Variants in LRRC74A observed in about 807,000 individuals in gnomAD.
LRRC74A encodes the protein leucine rich repeat containing 74A.
A neutral mutation model predicts 57.9 loss-of-function variants in LRRC74A; 44 were observed. That is an observed-to-expected ratio of 0.76 (90% CI 0.60 to 0.98). The LOEUF (loss-of-function observed/expected upper bound fraction) is 0.98, where lower values mean the gene tolerates loss of function less well. Among genes scored for constraint, LRRC74A ranks in the 50% least tolerant of loss-of-function variants. The probability of loss-of-function intolerance (pLI) is 0.00; values close to 1 mark genes in which losing one functional copy is unlikely to be tolerated. For missense variants in LRRC74A, 572 were observed against 574.0 expected (o/e 1.00, Z 0.04); for synonymous variants, 211 against 219.4 (o/e 0.96, Z 0.34).
chr14:76,835,889 T>C (rs1455739607), intron 3 of LRRC74A, among the ~76,000 whole-genome samples: 2 of 152,254 alleles, frequency 1.3e-5, no homozygotes, highest in East Asian at 3.8e-4. Flanking sequence ...TTCCTTAATC[T>C]TGGAGTAGGT....
In LRRC74A at chr14:76,856,406, TA is replaced by T. The variant is rs1468292213; in HGVS notation, c.958-972del. 5.3e-5 allele frequency among the ~76,000 whole-genome samples: 8 copies of T among 152,354 alleles called. No individual in the cohort carries two copies. The South Asian group carries it at 1.0e-3, about 20-fold the overall frequency. On this transcript the variant is annotated intron_variant, in intron 9 of 13. Transcript: ENST00000689127. ...TGCCTGTCTCCCCCAATTACAGTGT[TA>T]AGTTACCCGAGGGCAGAAACCTTGC...
In LRRC74A at chr14:76,853,423, T is replaced by A; in HGVS notation, c.957+13T>A. The stretch of plus-strand genomic sequence containing the variant: ...CAGAGTTCTGAAGGTAGTCTTCAGC[T>A]GGAAAGGGTGTGTGTGTGTGTGTGT... On this transcript the variant is annotated intron_variant, in intron 9 of 13. Coordinates refer to ENST00000689127, the MANE Select transcript of LRRC74A (RefSeq NM_001385106.1). 1.0e-6 allele frequency: 1 copy of A among 982,914 alleles called. No homozygotes were observed. Among genetic ancestry groups the A allele is most frequent in the South Asian group, 1.4e-5 (1 of 69,452 alleles). 60.9% of individuals were successfully genotyped at this position (982,914 alleles called of 1,614,324 possible). A position where few individuals can be genotyped will look rare whatever the true frequency, so the allele number is the denominator to read the frequency against.
chr14:76,841,279 T>C (rs768063713), intron 5 of LRRC74A, among the ~76,000 whole-genome samples: 1 of 152,170 alleles, frequency 6.6e-6, no homozygotes, highest in Non-Finnish European at 1.5e-5. Context: ...TGACCTCAAG[T>C]GATCCAACTG....
At chr14:76,859,301 G>A (rs533895530) in intron 10 of LRRC74A, among the ~76,000 whole-genome samples, 110 of 152,192 alleles carry the variant, frequency 7.2e-4, no homozygotes, top group Non-Finnish European at 8.8e-4. Flanking sequence ...TTGGGAGGCC[G>A]AGGCGGGTGG....
At position 76,828,323 on chromosome 14, in the gene LRRC74A, A is replaced by G; in HGVS notation, c.70A>G (p.Ser24Gly). The G allele has an allele frequency of 6.2e-7, 1 of 1,608,926 alleles. No homozygotes were observed. The highest frequency in any genetic ancestry group is 1.1e-5 in the South Asian group (1 of 91,020). Residue 24 changes from serine (S) to glycine (G), a missense_variant, in exon 2 of 14, where the codon AGC becomes GGC. By Grantham distance (56) the Ser-to-Gly change is moderately conservative. Transcript: ENST00000689127. The part of the protein sequence containing the change: ...EIEIEPVRQS[S>G]DKMLYCEAES... Reference sequence around the variant, plus strand: ...TGAAATTGAGCCAGTACGACAGAGCAGCGATAAAATGCTCTACTGTGAGGC... The same window carrying G: ...TGAAATTGAGCCAGTACGACAGAGCGGCGATAAAATGCTCTACTGTGAGGC...
chr14:76,869,236 C>T (rs1357590659), intron 13 of LRRC74A, among the ~76,000 whole-genome samples: 3 of 152,166 alleles, frequency 2.0e-5, no homozygotes, highest in Admixed American at 6.5e-5. Context: ...CAGCAAAGTC[C>T]CCAGGTTTGC....
At position 76,849,202 on chromosome 14, in the gene LRRC74A, G is replaced by T. The variant is rs117383231; in HGVS notation, c.677-3163G>T. Among the ~76,000 whole-genome samples, 252 of 152,146 alleles carry T rather than the reference G, an allele frequency of 1.7e-3. 2 individuals carry two copies. In the East Asian group the frequency reaches 0.038, roughly 23 times the overall value. ...AGTCTCGCTCTGTTGCCCAGGCTGG[G>T]TGGAGTGCAGTGGCACAATCTTGGC... On this transcript the variant is annotated intron_variant, in intron 7 of 13. Coordinates refer to ENST00000689127, the MANE Select transcript of LRRC74A (RefSeq NM_001385106.1).
intron 5 of LRRC74A, among the ~76,000 whole-genome samples, chr14:76,841,619 T>C (rs28696884): frequency 0.059 from 8,939 of 152,228 alleles, 305 homozygotes; most frequent in Non-Finnish European, 0.073. Context: ...GATTAATTTA[T>C]GAAAGAACTG....
intron 9 of LRRC74A, among the ~76,000 whole-genome samples, chr14:76,856,825 T>C (rs1202188359): frequency 6.6e-6 from 1 of 150,444 alleles, no homozygotes; most frequent in Non-Finnish European, 1.5e-5. Context: ...GATGCATGGA[T>C]GGATGAGAGG....
rs150796689 is a variant in LRRC74A, at chr14:76,852,448, C to T, written c.760C>T (p.Arg254Trp). ...AGCTGTGGCCTTGTGCAATGGTCTC[C>T]GGGTAAGGCACTCTCCAGGAGTGAT... is the stretch of plus-strand genomic sequence containing the variant. ...RGAVALCNGL[R>W]GNVTLTKLDL... Residue 254 changes from arginine to tryptophan, a missense_variant and splice_region_variant, in exon 8 of 14, where the codon CGG (arginine) becomes TGG (tryptophan). Coordinates refer to ENST00000689127, the MANE Select transcript of LRRC74A (RefSeq NM_001385106.1). 3.5e-4 allele frequency: 567 copies of T among 1,599,662 alleles called. 2 individuals are homozygous for T. The African/African-American group carries it at 5.9e-3, about 17-fold the overall frequency.
intron 5 of LRRC74A, among the ~76,000 whole-genome samples, chr14:76,839,362 A>G (rs1266641799): frequency 6.6e-6 from 1 of 152,252 alleles, no homozygotes; most frequent in African/African-American, 2.4e-5. Context: ...TTTGTGAATC[A>G]AAATGGTTAA....
intron 4 of LRRC74A, among the ~76,000 whole-genome samples, chr14:76,837,601 TG>T (rs2140268674): frequency 6.6e-6 from 1 of 152,246 alleles, no homozygotes; most frequent in South Asian, 2.1e-4. Context: ...AAGGCTAAAT[TG>T]GGAAAACAGG....
chr14:76,840,596 T>C (rs75042631), intron 5 of LRRC74A, among the ~76,000 whole-genome samples: 4 of 144,188 alleles, frequency 2.8e-5, no homozygotes, highest in African/African-American at 2.5e-5. Flanking sequence ...TTTTTTTTTT[T>C]TTTTTTGAGA....
intron 13 of LRRC74A, 71 bp from the exon 14 acceptor site, chr14:76,870,054 C>A: frequency 6.5e-7 from 1 of 1,534,788 alleles, no homozygotes; most frequent in South Asian, 1.2e-5. Context: ...TTAAGCCTGT[C>A]TTAACATTCT....
chr14:76,861,538 T>C (rs1898306631), intron 11 of LRRC74A, among the ~76,000 whole-genome samples: 2 of 151,980 alleles, frequency 1.3e-5, no homozygotes, highest in African/African-American at 4.8e-5. Context: ...TTTGGCGGGT[T>C]CAGCCAAAGA....
In LRRC74A at chr14:76,831,270, A is replaced by G. The variant is rs572035644; in HGVS notation, c.234A>G (p.Val78=). 2.2e-5 allele frequency: 35 copies of G among 1,614,068 alleles called. No homozygotes were observed. The Admixed American group carries it at 4.7e-4, about 22-fold the overall frequency. Residue 78 remains valine (V), a synonymous_variant, in exon 3 of 14, where the codon GTA becomes GTG. Transcript: ENST00000689127. ...LYLEACKLMG[V]VPVSYFIRNM... ...TGGAGGCCTGCAAGCTGATGGGTGT[A>G]GTGCCTGTCTCCTACTTCATTCGGA... is the stretch of plus-strand genomic sequence containing the variant.
intron 7 of LRRC74A, among the ~76,000 whole-genome samples, chr14:76,851,350 A>G (rs566376924): frequency 4.4e-4 from 67 of 152,246 alleles, no homozygotes; most frequent in African/African-American, 1.6e-3. Flanking sequence ...CAGATAAATA[A>G]TTCTTGCTTT....
rs997630938 is a variant in LRRC74A, at chr14:76,865,836, C to T, written c.1201-132C>T. The T allele has an allele frequency of 1.4e-5, 10 of 697,924 alleles. No homozygotes were observed. In the East Asian group the frequency reaches 2.5e-4, roughly 18 times the overall value. 43.2% of individuals were successfully genotyped at this position (697,924 alleles called of 1,614,324 possible). A position where few individuals can be genotyped will look rare whatever the true frequency, so the allele number is the denominator to read the frequency against. ...ACACCCGGGAGACGCAGGCTCCTCACCTTGGCCTTCTGCCCTTTTTAGCCT... is the reference window on the plus strand; with the variant it reads ...ACACCCGGGAGACGCAGGCTCCTCATCTTGGCCTTCTGCCCTTTTTAGCCT... On this transcript the variant is annotated intron_variant, in intron 11 of 13. Transcript: ENST00000689127.
chr14:76,832,766 T>C (rs759595752), intron 3 of LRRC74A, among the ~76,000 whole-genome samples: 1 of 152,186 alleles, frequency 6.6e-6, no homozygotes, highest in African/African-American at 2.4e-5. Context: ...CTGATGTCAG[T>C]AGTAGTTTCA....
Sources: gnomAD v4.1 joint callset for allele counts (sites outside exome capture counted in the v4.1 genomes callset) on GRCh38, gnomAD v4.1.1 for gene constraint, MANE v1.5 for transcripts, NCBI Gene and HGNC (gene_info 2026-07-23, HGNC 2026-07-21) for gene names.